The following NDUFA10 variants were observed in gnomAD, a reference collection of about 807,000 sequenced individuals.
NDUFA10 encodes the protein NADH dehydrogenase [ubiquinone] 1 alpha subcomplex subunit 10, mitochondrial.
A neutral mutation model predicts 47.8 loss-of-function variants in NDUFA10; 40 were observed. The ratio of observed to expected loss-of-function variants is 0.84; its 90% CI spans 0.65 to 1.09. The LOEUF (loss-of-function observed/expected upper bound fraction) is 1.09. Ranked by LOEUF, NDUFA10 falls within the 50% of genes least tolerant of loss-of-function variation. NDUFA10 has a pLI of 0.00. For synonymous variants in NDUFA10, 183 were observed against 172.2 expected, an observed-to-expected ratio of 1.06 and a Z score of -0.49; for missense variants, 413 against 451.1, an observed-to-expected ratio of 0.92 and a Z score of 0.76.
rs146995705 is a variant in NDUFA10, at chr2:239,944,303, C to A, written c.294+45771G>T. On this transcript the variant is annotated intron_variant, in intron 4 of 5. Coordinates refer to the NDUFA10 transcript ENST00000419408. Reference sequence around the variant, plus strand: ...CTTGCCAAAGTCCCCGGGGGCAGAGCGGCTGTTTGGGTCTGGCGTCTGCTC... The same window carrying A: ...CTTGCCAAAGTCCCCGGGGGCAGAGAGGCTGTTTGGGTCTGGCGTCTGCTC... Among the ~76,000 whole-genome samples, 847 of 152,346 alleles carry A rather than the reference C, an allele frequency of 5.6e-3. 9 individuals are homozygous for A. Among genetic ancestry groups the A allele is most frequent in the African/African-American group, 0.019 (807 of 41,570 alleles).
At chr2:239,964,524 G>C (rs1304154688) in intron 9 of NDUFA10, among the ~76,000 whole-genome samples, 1 of 152,142 alleles carries the variant, frequency 6.6e-6, no homozygotes, top group Non-Finnish European at 1.5e-5. Context: ...ACTCCTGCCG[G>C]GTGTCTGCTT....
At chr2:239,932,408 C>T (rs889586497) in intron 4 of NDUFA10, among the ~76,000 whole-genome samples, 2 of 152,214 alleles carry the variant, frequency 1.3e-5, no homozygotes, top group African/African-American at 2.4e-5. Context: ...GGTTACCATG[C>T]GACAGCAGTA....
chr2:240,017,183 G>A (rs777485316), intron 4 of NDUFA10, among the ~76,000 whole-genome samples: 1 of 152,158 alleles, frequency 6.6e-6, no homozygotes, highest in South Asian at 2.1e-4. Context: ...CCATGTCTCT[G>A]CCATGCTAAA....
At chr2:239,900,435 C>T (rs927477384) in intron 4 of NDUFA10, among the ~76,000 whole-genome samples, 8 of 145,408 alleles carry the variant, frequency 5.5e-5, no homozygotes, top group South Asian at 2.2e-4. Flanking sequence ...TGAGCCTCCC[C>T]GTTTTCCTAC....
intron 4 of NDUFA10, among the ~76,000 whole-genome samples, chr2:239,916,034 A>G (rs988833303): frequency 8.6e-6 from 1 of 116,076 alleles, no homozygotes; most frequent in African/African-American, 3.7e-5. Flanking sequence ...AGACACACAG[A>G]GATACTCACA....
chr2:240,014,653 A>T (rs980960307), intron 5 of NDUFA10, 86 bp downstream of exon 5: 2 of 1,578,068 alleles, frequency 1.3e-6, no homozygotes, highest in Non-Finnish European at 1.7e-6. Flanking sequence ...GGTAGGAATT[A>T]GTATAAATGC....
chr2:239,908,500 A>C (rs773011208), intron 4 of NDUFA10, among the ~76,000 whole-genome samples: 34 of 152,214 alleles, frequency 2.2e-4, no homozygotes, highest in Non-Finnish European at 3.8e-4. Flanking sequence ...ACAGCCTGAC[A>C]GTGCCGCCCA....
intron 9 of NDUFA10, among the ~76,000 whole-genome samples, chr2:239,974,465 C>T (rs1235418345): frequency 6.6e-6 from 1 of 152,238 alleles, no homozygotes; most frequent in African/African-American, 2.4e-5. Context: ...CGTCTGTGTA[C>T]CCATGTCACC....
In NDUFA10 at chr2:240,021,405, C is replaced by T; in HGVS notation, c.252G>A (p.Lys84=). 1.2e-6 allele frequency: 2 copies of T among 1,614,104 alleles called. No homozygotes were observed. The highest frequency in any genetic ancestry group is 1.7e-6 in the Non-Finnish European group (2 of 1,179,998). ...AKEIAEKLGF[K]HFPEAGIHYP... ...AATGAATCCCCGCTTCAGGAAAGTG[C>T]TTGAAGCCTGAAAAGAGAAACAGTC... Residue 84 remains lysine, a synonymous_variant, in exon 3 of 10, where the codon AAG becomes AAA. Transcript: ENST00000252711.
chr2:239,915,252 CA>C (rs1559277149), intron 4 of NDUFA10, among the ~76,000 whole-genome samples: 3 of 75,424 alleles, frequency 4.0e-5, no homozygotes, highest in East Asian at 3.8e-4. Context: ...CATACACACA[CA>C]ACACACACAC....
chr2:240,024,874 G>A (rs1184773638), intron 1 of NDUFA10, among the ~76,000 whole-genome samples: 2 of 152,198 alleles, frequency 1.3e-5, no homozygotes, highest in African/African-American at 4.8e-5. Flanking sequence ...ACCTTTAAAC[G>A]GCTCTTGACA....
intron 4 of NDUFA10, among the ~76,000 whole-genome samples, chr2:239,913,397 A>T (rs1012028278): frequency 2.6e-5 from 4 of 152,274 alleles, no homozygotes; most frequent in African/African-American, 9.6e-5. Context: ...GTCCTACAGG[A>T]CTCTGCCACG....
chr2:239,926,098 T>C (rs1213085416), intron 4 of NDUFA10, among the ~76,000 whole-genome samples: 1 of 151,926 alleles, frequency 6.6e-6, no homozygotes, highest in African/African-American at 2.4e-5. Flanking sequence ...TGATAAAAAA[T>C]TAAACATACA....
chr2:239,923,639 G>C (rs1218525376), intron 4 of NDUFA10, among the ~76,000 whole-genome samples: 1 of 151,848 alleles, frequency 6.6e-6, no homozygotes, highest in African/African-American at 2.4e-5. Context: ...TTAGAAAAGA[G>C]GAAGAGTCCC....
At chr2:239,921,317 G>A (rs1354208857) in intron 4 of NDUFA10, among the ~76,000 whole-genome samples, 1 of 129,810 alleles carries the variant, frequency 7.7e-6, no homozygotes, top group East Asian at 3.1e-4. Flanking sequence ...GCTCTTAAAG[G>A]TGGCACTGAC....
rs115027275 is a variant in NDUFA10 at position 239,947,252 on chromosome 2, T to C, written c.294+42822A>G. On this transcript the variant is annotated intron_variant, in intron 4 of 5. Transcript: ENST00000419408. ...GGCAGCAGGCATCCGAGCCTGGGAA[T>C]ACCAAGAAGTCATACCAGGACAGCC... Among the ~76,000 whole-genome samples, 1,407 of 152,268 alleles carry C rather than the reference T, an allele frequency of 9.2e-3. 19 individuals carry two copies. The highest frequency in any genetic ancestry group is 0.032 in the African/African-American group (1,309 of 41,544).
In NDUFA10 at chr2:240,004,504, C is replaced by T. The variant is rs80335526; in HGVS notation, c.890+706G>A. ...AAGACCTATCCGCCTTCTGCTGTGGCCTCCCCTCCTAGTCCTACCCCCTTC... is the reference window on the plus strand; with the variant it reads ...AAGACCTATCCGCCTTCTGCTGTGGTCTCCCCTCCTAGTCCTACCCCCTTC... On this transcript the variant is annotated intron_variant, in intron 8 of 9. Coordinates refer to ENST00000252711, the MANE Select transcript of NDUFA10 (RefSeq NM_004544.4). Among the ~76,000 whole-genome samples the T allele has an allele frequency of 3.0e-3, 449 of 147,386 alleles. 12 individuals carry two copies. In the South Asian group the frequency reaches 0.044, roughly 14 times the overall value.
At chr2:240,025,149 G>A (rs1697806146) in intron 1 of NDUFA10, 78 bp downstream of exon 1, 1 of 1,184,398 alleles carries the variant, frequency 8.4e-7, no homozygotes, top group Non-Finnish European at 1.1e-6. Flanking sequence ...GAGGCCGGGG[G>A]AGATGTGGAA....
At chr2:239,903,903 G>A (rs1224472766) in intron 4 of NDUFA10, among the ~76,000 whole-genome samples, 1 of 152,220 alleles carries the variant, frequency 6.6e-6, no homozygotes, top group East Asian at 1.9e-4. Context: ...TTGTGTCATT[G>A]AGATCAGGTG....
Sources: gnomAD v4.1 joint callset for allele counts (sites outside exome capture counted in the v4.1 genomes callset) on GRCh38, gnomAD v4.1.1 for gene constraint, MANE v1.5 for transcripts, NCBI Gene and HGNC (gene_info 2026-07-23, HGNC 2026-07-21) for gene names.